Variants in DLG2 observed in about 807,000 individuals in gnomAD.
DLG2 encodes the protein discs large MAGUK scaffold protein 2.
A neutral mutation model predicts 132.5 loss-of-function variants in DLG2; 45 were observed. The ratio of observed to expected loss-of-function variants is 0.34; its 90% confidence interval spans 0.27 to 0.44. The LOEUF is 0.44. Ranked by LOEUF, DLG2 falls within the 20% of genes least tolerant of loss-of-function variation. DLG2 has a pLI of 1.00. For missense variants in DLG2, 1,045 were observed against 1,196.9 expected (o/e 0.87, Z 1.87); for synonymous variants, 424 against 419.6 (o/e 1.01, Z -0.13).
chr11:85,155,624 C>A (rs775437536), intron 4 of DLG2, among the ~76,000 whole-genome samples: 8 of 152,136 alleles, frequency 5.3e-5, no homozygotes, highest in Non-Finnish European at 2.9e-5. Context: ...AATCTCAGTA[C>A]TTTAGAAGGC....
At chr11:84,094,933 T>A (rs1309045930) in intron 10 of DLG2, among the ~76,000 whole-genome samples, 3 of 152,110 alleles carry the variant, frequency 2.0e-5, no homozygotes, top group Non-Finnish European at 2.9e-5. Context: ...TTATAGGGGT[T>A]TTTTTTAAGC....
chr11:85,450,222 A>G (rs1212992185), intron 3 of DLG2, among the ~76,000 whole-genome samples: 1 of 152,206 alleles, frequency 6.6e-6, no homozygotes, highest in Non-Finnish European at 1.5e-5. Flanking sequence ...ATTGTTTTCT[A>G]TGAGAGCCCA....
At chr11:85,187,205 T>C (rs895441528) in intron 4 of DLG2, among the ~76,000 whole-genome samples, 4 of 152,092 alleles carry the variant, frequency 2.6e-5, no homozygotes, top group African/African-American at 9.7e-5. Context: ...CGGCAATTGC[T>C]AAGACTTTAC....
intron 11 of DLG2, among the ~76,000 whole-genome samples, chr11:83,990,846 A>C (rs529116741): frequency 1.6e-4 from 24 of 152,258 alleles, no homozygotes; most frequent in African/African-American, 5.8e-4. Context: ...AAGCACTAGT[A>C]GTTTTCTGCA....
rs983607661 is a variant in DLG2, at chr11:84,687,747, A to G, written c.358-153016T>C. 3.9e-5 allele frequency among the ~76,000 whole-genome samples: 6 copies of G among 152,176 alleles called. No individual in the cohort carries two copies. The South Asian group carries it at 6.2e-4, about 16-fold the overall frequency. On this transcript the variant is annotated intron_variant, in intron 6 of 27. Coordinates refer to ENST00000376104, the MANE Select transcript of DLG2 (RefSeq NM_001142699.3). ...AGTAAATTTCTTGAAGATCATAACT[A>G]TAGTTACCATTAATTTTCTTCAAGT...
chr11:84,554,809 A>C (rs1257633514), intron 6 of DLG2, among the ~76,000 whole-genome samples: 1 of 152,200 alleles, frequency 6.6e-6, no homozygotes, highest in Non-Finnish European at 1.5e-5. Flanking sequence ...AGAGAGCACA[A>C]GAAGGAACCA....
chr11:85,546,327 T>C (rs2076322118), intron 3 of DLG2, among the ~76,000 whole-genome samples: 1 of 152,330 alleles, frequency 6.6e-6, no homozygotes, highest in African/African-American at 2.4e-5. Context: ...AATCCTGAGT[T>C]CTAATTTGAT....
chr11:84,903,546 T>C (rs146921104), intron 6 of DLG2, among the ~76,000 whole-genome samples: 25 of 152,290 alleles, frequency 1.6e-4, no homozygotes, highest in African/African-American at 5.3e-4. Context: ...CCCTGATAGT[T>C]GGCATTGTTC....
chr11:84,971,643 AC>A (rs2054109082), intron 6 of DLG2, among the ~76,000 whole-genome samples: 1 of 152,060 alleles, frequency 6.6e-6, no homozygotes, highest in African/African-American at 2.4e-5. Context: ...AATTAGAATG[AC>A]TCCTGGATAA....
intron 18 of DLG2, among the ~76,000 whole-genome samples, chr11:83,672,293 T>C (rs1299693358): frequency 6.6e-6 from 1 of 152,234 alleles, no homozygotes; most frequent in Non-Finnish European, 1.5e-5. Context: ...CAAGTGATTC[T>C]CCTGCCTCAG....
chr11:84,650,815 A>G (rs1184673600), intron 6 of DLG2, among the ~76,000 whole-genome samples: 8 of 146,702 alleles, frequency 5.5e-5, no homozygotes, highest in Non-Finnish European at 1.1e-4. Flanking sequence ...AATGGATTTT[A>G]CCATAACAGA....
intron 19 of DLG2, among the ~76,000 whole-genome samples, chr11:83,592,595 T>C (rs1338216210): frequency 1.3e-5 from 2 of 152,090 alleles, no homozygotes; most frequent in Non-Finnish European, 2.9e-5. Flanking sequence ...AAGGACTTCA[T>C]GTCCAAAACA....
intron 21 of DLG2, among the ~76,000 whole-genome samples, chr11:83,504,860 T>G (rs1054712697): frequency 3.3e-5 from 5 of 152,202 alleles, no homozygotes; most frequent in African/African-American, 1.2e-4. Context: ...CCCTGCAAAG[T>G]ATTGTCACTT....
intron 6 of DLG2, among the ~76,000 whole-genome samples, chr11:84,650,078 C>T (rs2099679707): frequency 6.6e-6 from 1 of 152,214 alleles, no homozygotes. Context: ...CTAGTAGCCT[C>T]TATTCCAAAA....
intron 4 of DLG2, among the ~76,000 whole-genome samples, chr11:85,201,449 C>G (rs891207098): frequency 6.6e-6 from 1 of 151,936 alleles, no homozygotes; most frequent in African/African-American, 2.4e-5. Flanking sequence ...CCCACACAGC[C>G]CTGGTATCTG....
chr11:84,957,416 T>C (rs2051858514), intron 6 of DLG2, among the ~76,000 whole-genome samples: 1 of 152,164 alleles, frequency 6.6e-6, no homozygotes, highest in Admixed American at 6.5e-5. Context: ...TAAAGTAGGG[T>C]TTTAGAAAAC....
chr11:85,416,175 T>C (rs2089828143), intron 3 of DLG2, among the ~76,000 whole-genome samples: 1 of 151,770 alleles, frequency 6.6e-6, no homozygotes, highest in African/African-American at 2.4e-5. Flanking sequence ...AAAGATCAGA[T>C]GGTTGTAGAT....
At chr11:84,608,823 T>C (rs1391071404) in intron 6 of DLG2, among the ~76,000 whole-genome samples, 2 of 152,198 alleles carry the variant, frequency 1.3e-5, no homozygotes, top group Non-Finnish European at 2.9e-5. Context: ...CTGATAAGTA[T>C]ATGCCAAGCA....
intron 18 of DLG2, among the ~76,000 whole-genome samples, chr11:83,749,130 A>AG (rs1180673935): frequency 2.0e-5 from 3 of 152,150 alleles, no homozygotes; most frequent in Non-Finnish European, 4.4e-5. Flanking sequence ...AGACTTGTGC[A>AG]GGTACCACAT....
Sources: gnomAD v4.1 joint callset for allele counts (sites outside exome capture counted in the v4.1 genomes callset) on GRCh38, gnomAD v4.1.1 for gene constraint, MANE v1.5 for transcripts, NCBI Gene and HGNC (gene_info 2026-07-23, HGNC 2026-07-21) for gene names.